The following RNGTT variants were observed in gnomAD, a reference collection of about 807,000 sequenced individuals.
RNGTT encodes the protein mRNA-capping enzyme.
Under a neutral mutation model 79.3 loss-of-function variants are expected in RNGTT, and 33 were observed. That is an observed-to-expected ratio of 0.42 (90% CI 0.32 to 0.56). RNGTT has a LOEUF of 0.56. Among genes scored for constraint, RNGTT ranks in the 20% least tolerant of loss-of-function variants. The pLI is 0.17. For missense variants in RNGTT, 497 were observed against 739.1 expected (o/e 0.67, Z 3.80); for synonymous variants, 222 against 235.9 (o/e 0.94, Z 0.54).
chr6:88,783,637 T>C (rs6454723), intron 12 of RNGTT, among the ~76,000 whole-genome samples: 1,560 of 152,284 alleles, frequency 0.01, 23 homozygotes, highest in African/African-American at 0.035. Flanking sequence ...CCTATACATT[T>C]ATAAATCTAT....
At chr6:88,744,434 G>A (rs1385016548) in intron 13 of RNGTT, among the ~76,000 whole-genome samples, 1 of 151,922 alleles carries the variant, frequency 6.6e-6, no homozygotes, top group East Asian at 1.9e-4. Flanking sequence ...GCTAATTTTT[G>A]TATTTTTAGT....
At chr6:88,895,547 T>C (rs1384287063) in intron 6 of RNGTT, among the ~76,000 whole-genome samples, 2 of 152,148 alleles carry the variant, frequency 1.3e-5, no homozygotes, top group Non-Finnish European at 2.9e-5. Flanking sequence ...AGGAGTCCAT[T>C]ACTTGAATAC....
chr6:88,933,488 T>C (rs1447115556), intron 2 of RNGTT, among the ~76,000 whole-genome samples: 1 of 152,206 alleles, frequency 6.6e-6, no homozygotes, highest in Non-Finnish European at 1.5e-5. Context: ...AGATCAGTTT[T>C]TTTTTTTTAA....
intron 8 of RNGTT, among the ~76,000 whole-genome samples, chr6:88,857,004 T>C (rs1478721581): frequency 6.6e-6 from 1 of 152,110 alleles, no homozygotes; most frequent in Non-Finnish European, 1.5e-5. Flanking sequence ...TTTAATTCAG[T>C]ATACGTTTCC....
At chr6:88,815,660 C>T (rs538584850) in intron 11 of RNGTT, among the ~76,000 whole-genome samples, 1 of 152,302 alleles carries the variant, frequency 6.6e-6, no homozygotes, top group African/African-American at 2.4e-5. Context: ...TATGACTTCC[C>T]CTGTGAGGCA....
At chr6:88,654,484 G>A (rs1773906575) in intron 14 of RNGTT, among the ~76,000 whole-genome samples, 1 of 152,174 alleles carries the variant, frequency 6.6e-6, no homozygotes, top group Admixed American at 6.5e-5. Flanking sequence ...AGACAGAGTA[G>A]ATGTGCAAGG....
At chr6:88,829,803 A>G (rs1040897999) in intron 11 of RNGTT, among the ~76,000 whole-genome samples, 3 of 152,148 alleles carry the variant, frequency 2.0e-5, no homozygotes, top group African/African-American at 7.2e-5. Context: ...AGGGCATTAC[A>G]TAATGGTAAA....
intron 13 of RNGTT, among the ~76,000 whole-genome samples, chr6:88,696,012 C>T (rs1269363474): frequency 6.6e-6 from 1 of 152,078 alleles, no homozygotes; most frequent in Non-Finnish European, 1.5e-5. Flanking sequence ...ATGGGGGAAA[C>T]AGGGAGATGT....
chr6:88,949,117 A>T (rs1269822589), intron 1 of RNGTT, among the ~76,000 whole-genome samples: 7 of 141,032 alleles, frequency 5.0e-5, no homozygotes, highest in African/African-American at 1.9e-4. Context: ...ATAAAAAAAT[A>T]AATTAAAAAA....
At chr6:88,691,685 A>G (rs1014210532) in intron 13 of RNGTT, among the ~76,000 whole-genome samples, 6 of 152,200 alleles carry the variant, frequency 3.9e-5, no homozygotes. Flanking sequence ...GGTGTTAGTT[A>G]CATAAAATTT....
intron 14 of RNGTT, among the ~76,000 whole-genome samples, chr6:88,661,719 T>C (rs1247851592): frequency 6.6e-6 from 1 of 152,122 alleles, no homozygotes; most frequent in East Asian, 1.9e-4. Context: ...ACCAGATGGA[T>C]TCACAGCTAA....
At position 88,842,449 on chromosome 6, in the gene RNGTT, C is replaced by T. The variant is rs552126665; in HGVS notation, c.1269+1908G>A. On this transcript the variant is annotated intron_variant, in intron 11 of 15. Coordinates refer to ENST00000369485, the MANE Select transcript of RNGTT (RefSeq NM_003800.5). ...AATAACAGTAGTCATATGAGTGATACTAAAAATAATAACAAAGAAAAAAAA... is the reference window on the plus strand; with the variant it reads ...AATAACAGTAGTCATATGAGTGATATTAAAAATAATAACAAAGAAAAAAAA... 2.0e-5 allele frequency among the ~76,000 whole-genome samples: 3 copies of T among 150,652 alleles called. No individual in the cohort carries two copies. The South Asian group carries it at 6.3e-4, about 32-fold the overall frequency.
chr6:88,738,853 C>A (rs2127823818), intron 13 of RNGTT, among the ~76,000 whole-genome samples: 1 of 151,836 alleles, frequency 6.6e-6, no homozygotes. Flanking sequence ...CACACACACA[C>A]ACACACACAC....
At chr6:88,758,840 T>C (rs1335669178) in intron 13 of RNGTT, among the ~76,000 whole-genome samples, 2 of 149,838 alleles carry the variant, frequency 1.3e-5, no homozygotes, top group East Asian at 1.9e-4. Context: ...TTAGCATCCA[T>C]TGATTATTCT....
chr6:88,708,923 T>C (rs1776230117), intron 13 of RNGTT, among the ~76,000 whole-genome samples: 1 of 152,094 alleles, frequency 6.6e-6, no homozygotes, highest in Non-Finnish European at 1.5e-5. Context: ...ATTTCACCTC[T>C]TCGAAACACA....
At chr6:88,698,613 CT>C (rs1775839209) in intron 13 of RNGTT, among the ~76,000 whole-genome samples, 1 of 151,758 alleles carries the variant, frequency 6.6e-6, no homozygotes, top group South Asian at 2.1e-4. Context: ...TTTATCTTTT[CT>C]TTTGATATCA....
chr6:88,924,575 C>T (rs1304404462), intron 4 of RNGTT, among the ~76,000 whole-genome samples: 10 of 151,476 alleles, frequency 6.6e-5, no homozygotes, highest in African/African-American at 2.2e-4. Flanking sequence ...ATCCTTCTGC[C>T]TCAGCCTCTC....
chr6:88,737,675 T>C (rs1005630880), intron 13 of RNGTT, among the ~76,000 whole-genome samples: 5 of 152,186 alleles, frequency 3.3e-5, no homozygotes, highest in African/African-American at 1.2e-4. Context: ...CCTTGTGCCA[T>C]GTGAATACAC....
At chr6:88,613,732 T>C (rs980489199) in intron 15 of RNGTT, among the ~76,000 whole-genome samples, 3 of 152,202 alleles carry the variant, frequency 2.0e-5, no homozygotes, top group Admixed American at 2.0e-4. Context: ...TTCAATTAAT[T>C]TGTGTTGTTC....
Sources: gnomAD v4.1 joint callset for allele counts (sites outside exome capture counted in the v4.1 genomes callset) on GRCh38, gnomAD v4.1.1 for gene constraint, MANE v1.5 for transcripts, NCBI Gene and HGNC (gene_info 2026-07-23, HGNC 2026-07-21) for gene names.